Variants in ABCA8 observed in about 807,000 individuals in gnomAD.
The protein encoded by ABCA8 is ATP binding cassette subfamily A member 8, also known as ABC-type organic anion transporter ABCA8.
A neutral mutation model predicts 192.3 loss-of-function variants in ABCA8; 177 were observed. That is an observed-to-expected ratio of 0.92 (90% CI 0.81 to 1.04). The LOEUF is 1.04. Among genes scored for constraint, ABCA8 ranks in the 50% least tolerant of loss-of-function variants. The probability of loss-of-function intolerance (pLI) is 0.00; values close to 1 mark genes in which losing one functional copy is unlikely to be tolerated. For synonymous variants in ABCA8, 642 were observed against 690.2 expected (o/e 0.93, Z 1.09); for missense variants, 1,915 against 1,904.8 (o/e 1.01, Z -0.10).
At chr17:68,899,084 C>A (rs2066838919) in intron 21 of ABCA8, among the ~76,000 whole-genome samples, 1 of 151,376 alleles carries the variant, frequency 6.6e-6, no homozygotes, top group South Asian at 2.1e-4. Context: ...GAACATAATT[C>A]AAAAATATAA....
Position 68,933,238 on chromosome 17 carries a change from C to T in ABCA8, c.500G>A (p.Cys167Tyr), listed in dbSNP as rs780467415. ...TTCCTTCCAAAATACTGAAACTTCA[C>T]AGTAAACATCTTCATTTGTTTCATA... is the stretch of plus-strand genomic sequence containing the variant. Reference protein sequence around the residue: ...HCYETNEDVYCEVSVFWKEGF... With the variant: ...HCYETNEDVYYEVSVFWKEGF... The change falls in exon 6 of 40, where the codon TGT (cysteine) becomes TAT (tyrosine). Residue 167 changes from cysteine (C) to tyrosine (Y), a missense_variant. Transcript: ENST00000586539. 1 of 1,612,650 alleles carries T rather than the reference C, an allele frequency of 6.2e-7. No individual in the cohort carries two copies. The highest frequency in any genetic ancestry group is 8.5e-7 in the Non-Finnish European group (1 of 1,179,260).
intron 21 of ABCA8, among the ~76,000 whole-genome samples, chr17:68,895,778 A>G (rs73998566): frequency 0.076 from 11,550 of 152,242 alleles, 509 homozygotes; most frequent in South Asian, 0.11. Flanking sequence ...GCGTTGCAGA[A>G]GATCAATACC....
At chr17:68,873,972 T>C (rs1412130495) in intron 37 of ABCA8, among the ~76,000 whole-genome samples, 1 of 152,192 alleles carries the variant, frequency 6.6e-6, no homozygotes, top group Non-Finnish European at 1.5e-5. Flanking sequence ...GGGTTGTTAT[T>C]TCTATAAATG....
chr17:68,919,282 CT>C lies in ABCA8; in HGVS notation c.1788+18del, dbSNP rs1567860665. On this transcript the variant is annotated intron_variant, in intron 14 of 39. Coordinates refer to ENST00000586539, the MANE Select transcript of ABCA8 (RefSeq NM_001288985.2). ...AATCTCATTTTGACCAACACATTAA[CT>C]TTAACATATTTTTGTACCTCTTTAT... 2 of 1,583,146 alleles carry C rather than the reference CT, an allele frequency of 1.3e-6. No individual in the cohort carries two copies. The highest frequency in any genetic ancestry group is 4.5e-5 in the East Asian group (2 of 44,492).
At chr17:68,929,996 A>T (rs1175968702) in intron 7 of ABCA8, among the ~76,000 whole-genome samples, 1 of 149,150 alleles carries the variant, frequency 6.7e-6, no homozygotes, top group Non-Finnish European at 1.5e-5. Flanking sequence ...GTGGGGGGGG[A>T]ATTAGGTTTC....
intron 17 of ABCA8, among the ~76,000 whole-genome samples, chr17:68,909,662 T>TC (rs144287450): frequency 0.012 from 1,823 of 152,218 alleles, 44 homozygotes; most frequent in African/African-American, 0.042. Context: ...TTTAATTAAT[T>TC]TCCAAGAAGA....
intron 23 of ABCA8, among the ~76,000 whole-genome samples, 157 bp from the exon 24 acceptor site, chr17:68,891,753 T>C (rs2066628641): frequency 6.6e-6 from 1 of 152,240 alleles, no homozygotes; most frequent in Non-Finnish European, 1.5e-5. Flanking sequence ...TTTTCACACT[T>C]AACTTTTGGC....
chr17:68,912,601 T>C (rs957604319), intron 17 of ABCA8, among the ~76,000 whole-genome samples: 1 of 152,158 alleles, frequency 6.6e-6, no homozygotes, highest in Non-Finnish European at 1.5e-5. Context: ...GATATCTTTA[T>C]ATTAGACAAA....
At chr17:68,882,102 C>T (rs1373080465) in intron 30 of ABCA8, 122 bp from the exon 31 acceptor site, 1 of 790,482 alleles carries the variant, frequency 1.3e-6, no homozygotes, top group African/African-American at 1.7e-5. Flanking sequence ...AGAAGACCTT[C>T]TATTTGGTGA....
intron 2 of ABCA8, chr17:68,944,922 G>C (rs2068355931): frequency 2.0e-5 from 3 of 152,354 alleles, no homozygotes; most frequent in African/African-American, 7.2e-5. Flanking sequence ...GAATTGGCTG[G>C]TATGTAGGGA....
intron 26 of ABCA8, 123 bp from the exon 27 acceptor site, chr17:68,885,438 T>C (rs2066432857): frequency 3.3e-6 from 3 of 919,448 alleles, no homozygotes; most frequent in Non-Finnish European, 4.8e-6. Context: ...CTGAAATCAG[T>C]ATATCTCCAT....
chr17:68,942,007 GA>G lies in ABCA8; in HGVS notation c.27del (p.Gln10AsnfsTer17). 6.2e-7 allele frequency: 1 copy of G among 1,612,516 alleles called. No homozygotes were observed. MRKRKISVCQQTWALLCKN... is the reference protein window; with the variant it reads MRKRKISVXQQTWALLCKN... ...TTGCATAATAAGGCCCAAGTTTGTT[GA>G]CACACACTGATCTTTCTCTTCCTCA... On this transcript the variant is annotated frameshift_variant, in exon 3 of 40. Transcript: ENST00000586539. LOFTEE classifies it high-confidence loss of function.
intron 7 of ABCA8, among the ~76,000 whole-genome samples, chr17:68,930,084 T>A (rs1380206366): frequency 6.6e-6 from 1 of 152,138 alleles, no homozygotes; most frequent in Non-Finnish European, 1.5e-5. Flanking sequence ...CTGTAACCCC[T>A]CTATTATTCC....
intron 17 of ABCA8, among the ~76,000 whole-genome samples, chr17:68,914,102 T>A (rs2067290600): frequency 6.6e-6 from 1 of 152,022 alleles, no homozygotes; most frequent in Non-Finnish European, 1.5e-5. Flanking sequence ...AAATTCAACA[T>A]CTCTTCATGA....
chr17:68,869,305 G>A (rs2065989139), intron 38 of ABCA8, among the ~76,000 whole-genome samples: 1 of 152,112 alleles, frequency 6.6e-6, no homozygotes, highest in Admixed American at 6.6e-5. Flanking sequence ...CCAGACAGGA[G>A]TCAGTTTCTT....
chr17:68,920,490 A>G (rs796436114), intron 13 of ABCA8, among the ~76,000 whole-genome samples: 1 of 152,312 alleles, frequency 6.6e-6, no homozygotes, highest in African/African-American at 2.4e-5. Flanking sequence ...GCCAAATAGC[A>G]ACTAATGAGC....
At position 68,875,398 on chromosome 17, in the gene ABCA8, C is replaced by T. The variant is rs2066173078; in HGVS notation, c.4493G>A (p.Cys1498Tyr). ...VAIMVSGRLR[C>Y]IGSIQHLKSK... The stretch of plus-strand genomic sequence containing the variant: ...TTTCAGGTGTTGGATGGAACCGATA[C>T]ATCTGGAGGATGAGGTCATATGAGA... The change falls in exon 37 of 40, where the codon TGT becomes TAT. Residue 1498 changes from cysteine (C) to tyrosine (Y), a missense_variant and splice_region_variant. Coordinates refer to ENST00000586539, the MANE Select transcript of ABCA8 (RefSeq NM_001288985.2). 1 of 1,613,814 alleles carries T rather than the reference C, an allele frequency of 6.2e-7. No individual in the cohort carries two copies. The highest frequency in any genetic ancestry group is 8.5e-7 in the Non-Finnish European group (1 of 1,179,992).
chr17:68,907,522 G>A (rs191093221), intron 18 of ABCA8, among the ~76,000 whole-genome samples: 9 of 152,106 alleles, frequency 5.9e-5, no homozygotes, highest in African/African-American at 1.9e-4. Flanking sequence ...ACTAAAAGAA[G>A]CCCTCTAAAA....
chr17:68,913,372 G>A (rs779133377), intron 17 of ABCA8, among the ~76,000 whole-genome samples: 10 of 151,184 alleles, frequency 6.6e-5, no homozygotes, highest in Admixed American at 1.3e-4. Context: ...ACCAAAAGTC[G>A]TAGAATAAAA....
Sources: allele counts gnomAD v4.1 joint callset (sites outside exome capture counted in the v4.1 genomes callset), GRCh38; gene constraint gnomAD v4.1.1; transcripts MANE v1.5; gene names NCBI Gene and HGNC (gene_info 2026-07-23, HGNC 2026-07-21).